FOXO3: variants seen among roughly 807,000 people sequenced by gnomAD.
FOXO3 encodes forkhead box protein O3.
In FOXO3, 4 loss-of-function variants were observed where a neutral mutation model predicts 41.9. That is an observed-to-expected ratio of 0.10 (90% CI 0.05 to 0.22). FOXO3 has a LOEUF of 0.22. FOXO3 is among the 10% of genes least tolerant of loss of function. FOXO3 has a pLI of 1.00. For missense variants in FOXO3, 534 were observed against 906.8 expected, an observed-to-expected ratio of 0.59 and a Z score of 5.28; for synonymous variants, 318 against 389.3, an observed-to-expected ratio of 0.82 and a Z score of 2.16.
chr6:108,575,546 G>A (rs1051362237), intron 1 of FOXO3, among the ~76,000 whole-genome samples: 1 of 152,118 alleles, frequency 6.6e-6, no homozygotes, highest in African/African-American at 2.4e-5. Context: ...AAAGCGTTGC[G>A]ATGGGTCTTC....
intron 2 of FOXO3, among the ~76,000 whole-genome samples, chr6:108,669,445 T>C (rs968778034): frequency 2.6e-5 from 4 of 152,232 alleles, no homozygotes; most frequent in Non-Finnish European, 5.9e-5. Context: ...ATTTCTGTTT[T>C]AGGGAATGTA....
intron 1 of FOXO3, among the ~76,000 whole-genome samples, chr6:108,624,897 G>T (rs1458051320): frequency 2.6e-5 from 4 of 152,076 alleles, no homozygotes; most frequent in African/African-American, 9.7e-5. Context: ...AGCCTCTGGA[G>T]TAGCTGGAAT....
chr6:108,594,102 GAGA>G (rs1303942443), intron 1 of FOXO3, among the ~76,000 whole-genome samples: 5 of 152,160 alleles, frequency 3.3e-5, no homozygotes, highest in African/African-American at 1.2e-4. Flanking sequence ...AAGCAGTGAG[GAGA>G]AGATGGCAGA....
At chr6:108,635,616 G>A (rs1778100773) in intron 1 of FOXO3, among the ~76,000 whole-genome samples, 2 of 152,184 alleles carry the variant, frequency 1.3e-5, no homozygotes, top group Admixed American at 1.3e-4. Flanking sequence ...GCTGCAGGAG[G>A]TGCTGGGAGG....
Position 108,663,772 on chromosome 6 carries a change from C to G in FOXO3, c.939C>G (p.Thr313=). 1 of 1,613,966 alleles carries G rather than the reference C, an allele frequency of 6.2e-7. No homozygotes were observed. The highest frequency in any genetic ancestry group is 1.7e-4 in the Middle Eastern group (1 of 6,058). The change falls in exon 2 of 3, where the codon ACC becomes ACG. Residue 313 remains threonine, a synonymous_variant. Transcript: ENST00000406360. ...LDAWTDFRSR[T]NSNASTVSGR... is the part of the protein sequence containing the mutation. ...CGTGGACGGACTTCCGTTCACGCAC[C>G]AATTCTAACGCCAGCACAGTCAGTG... is the stretch of plus-strand genomic sequence containing the variant.
At chr6:108,618,303 C>A in intron 1 of FOXO3, 2 of 682,104 alleles carry the variant, frequency 2.9e-6, no homozygotes, top group South Asian at 1.4e-5. Flanking sequence ...ACCGGTTTCT[C>A]CTCAGCTGCC....
intron 1 of FOXO3, among the ~76,000 whole-genome samples, chr6:108,598,427 TA>T (rs1488825098): frequency 6.6e-6 from 1 of 152,072 alleles, no homozygotes; most frequent in Non-Finnish European, 1.5e-5. Context: ...TGCTGAGTGA[TA>T]AACTGAACTG....
chr6:108,665,699 G>T (rs552405913), intron 2 of FOXO3, among the ~76,000 whole-genome samples: 40 of 151,214 alleles, frequency 2.6e-4, no homozygotes, highest in Middle Eastern at 3.2e-3. Flanking sequence ...ACACATACCT[G>T]TAGCCCCTGC....
chr6:108,616,161 T>C lies in FOXO3; in HGVS notation c.622-47294T>C, dbSNP rs995540367. Among the ~76,000 whole-genome samples the C allele has an allele frequency of 3.6e-3, 483 of 134,384 alleles. 22 individuals are homozygous for C. In the East Asian group the frequency reaches 0.094, roughly 26 times the overall value. The allele number at this position is 134,384 out of a possible 152,430, so 88.2% of individuals were successfully genotyped here. ...TGCCATCACGCCCAACTAAGGTTTT[T>C]TTTTTTTTTTTTTTTTTTTTTGAGA... On this transcript the variant is annotated intron_variant, in intron 1 of 2. Coordinates refer to ENST00000406360, the MANE Select transcript of FOXO3 (RefSeq NM_001455.4).
intron 1 of FOXO3, among the ~76,000 whole-genome samples, chr6:108,579,373 A>G (rs1342444925): frequency 1.3e-5 from 2 of 152,204 alleles, no homozygotes; most frequent in Admixed American, 6.5e-5. Context: ...TTGGAACAAC[A>G]TCAGAAGGTC....
chr6:108,677,061 C>G (rs1327656061), intron 2 of FOXO3, among the ~76,000 whole-genome samples: 1 of 152,228 alleles, frequency 6.6e-6, no homozygotes, highest in Non-Finnish European at 1.5e-5. Context: ...AGAGTTGCCT[C>G]TATACCTGGG....
chr6:108,682,085 T>C lies in FOXO3; in HGVS notation c.*2293T>C, dbSNP rs1259665188. On this transcript the variant is annotated 3_prime_UTR_variant, in exon 3 of 3. Coordinates refer to ENST00000406360, the MANE Select transcript of FOXO3 (RefSeq NM_001455.4). ...TCTGAGTTCAGAGAAACATGCAAAG[T>C]GACTAACAAAATAGCTACTTACCTT... 4 of 152,604 alleles carry C rather than the reference T, an allele frequency of 2.6e-5. No individual in the cohort carries two copies. Among genetic ancestry groups the C allele is most frequent in the African/African-American group, 7.2e-5 (3 of 41,550 alleles). 9.5% of individuals were successfully genotyped at this position (152,604 alleles called of 1,614,324 possible). A position where few individuals can be genotyped will look rare whatever the true frequency, so the allele number is the denominator to read the frequency against.
At chr6:108,678,866 A>ATTTTTTT (rs1770724993) in intron 2 of FOXO3, among the ~76,000 whole-genome samples, 10 of 70,616 alleles carry the variant, frequency 1.4e-4, no homozygotes, top group Admixed American at 3.2e-4. Context: ...CATTTCTTAA[A>ATTTTTTT]TTCTTTTTTT....
At chr6:108,657,284 C>T (rs1322116903) in intron 1 of FOXO3, among the ~76,000 whole-genome samples, 3 of 152,222 alleles carry the variant, frequency 2.0e-5, no homozygotes, top group Admixed American at 2.0e-4. Flanking sequence ...GTCCCTGAAG[C>T]TGAAGTTTTT....
intron 1 of FOXO3, among the ~76,000 whole-genome samples, chr6:108,598,248 C>T (rs988386321): frequency 9.2e-5 from 14 of 152,128 alleles, no homozygotes; most frequent in Non-Finnish European, 1.9e-4. Flanking sequence ...AATCCCTGTG[C>T]ATCTTTCTGT....
chr6:108,612,189 C>T lies in FOXO3; in HGVS notation c.621+50360C>T, dbSNP rs905411531. 2.0e-5 allele frequency among the ~76,000 whole-genome samples: 3 copies of T among 151,956 alleles called. No individual in the cohort carries two copies. In the East Asian group the frequency reaches 5.8e-4, roughly 29 times the overall value. The stretch of plus-strand genomic sequence containing the variant: ...TTACATACTGTTTGTGAAATTTATC[C>T]CCAAGAGCTTCATCTTTTGATACTA... On this transcript the variant is annotated intron_variant, in intron 1 of 2. Coordinates refer to ENST00000406360, the MANE Select transcript of FOXO3 (RefSeq NM_001455.4).
intron 1 of FOXO3, among the ~76,000 whole-genome samples, chr6:108,662,490 T>C (rs939966708): frequency 6.6e-6 from 1 of 152,204 alleles, no homozygotes; most frequent in Non-Finnish European, 1.5e-5. Flanking sequence ...AATGGGAGAC[T>C]TGCCTACTTC....
intron 1 of FOXO3, among the ~76,000 whole-genome samples, chr6:108,565,528 A>G (rs1254097772): frequency 2.0e-5 from 3 of 152,230 alleles, no homozygotes; most frequent in African/African-American, 7.2e-5. Flanking sequence ...CGTTATACAC[A>G]GCACACATCT....
At chr6:108,669,432 G>A (rs1290503724) in intron 2 of FOXO3, among the ~76,000 whole-genome samples, 1 of 152,114 alleles carries the variant, frequency 6.6e-6, no homozygotes, top group Non-Finnish European at 1.5e-5. Context: ...TATTGATGTA[G>A]ATATTTCTGT....
Sources: allele counts gnomAD v4.1 joint callset (sites outside exome capture counted in the v4.1 genomes callset), GRCh38; gene constraint gnomAD v4.1.1; transcripts MANE v1.5; gene names NCBI Gene and HGNC (gene_info 2026-07-23, HGNC 2026-07-21).